The following RELN variants were observed in gnomAD, a reference collection of about 807,000 sequenced individuals.
RELN encodes reelin.
Under a neutral mutation model 427.6 loss-of-function variants are expected in RELN, and 108 were observed. The ratio of observed to expected loss-of-function variants is 0.25; its 90% CI spans 0.22 to 0.30. RELN has a LOEUF of 0.30. RELN is among the 10% of genes least tolerant of loss of function. The pLI, the probability that RELN is intolerant of heterozygous loss-of-function variation, is 1.00. For missense variants in RELN, 3,715 were observed against 4,302.8 expected (o/e 0.86, Z 3.82); for synonymous variants, 1,524 against 1,513.4 (o/e 1.01, Z -0.16).
chr7:103,836,458 C>A (rs1793411373), intron 2 of RELN, among the ~76,000 whole-genome samples: 1 of 152,178 alleles, frequency 6.6e-6, no homozygotes, highest in African/African-American at 2.4e-5. Flanking sequence ...TGTCCATCAT[C>A]ATAGAAAGCT....
chr7:103,687,736 A>T (rs554830727), intron 10 of RELN, among the ~76,000 whole-genome samples: 1 of 152,288 alleles, frequency 6.6e-6, no homozygotes, highest in East Asian at 1.9e-4. Flanking sequence ...TCAATTAGTG[A>T]TTGAATGTGT....
At chr7:103,581,995 G>A (rs1831162334) in intron 28 of RELN, among the ~76,000 whole-genome samples, 1 of 152,194 alleles carries the variant, frequency 6.6e-6, no homozygotes, top group Non-Finnish European at 1.5e-5. Context: ...GGAGAAGTGT[G>A]TTGCATAGCA....
At chr7:103,609,713 T>C (rs1051805349) in intron 22 of RELN, among the ~76,000 whole-genome samples, 2 of 152,242 alleles carry the variant, frequency 1.3e-5, no homozygotes, top group Admixed American at 1.3e-4. Flanking sequence ...GGTTGGTATC[T>C]AACCAATTGT....
At chr7:103,473,099 T>C in intron 64 of RELN, 191 bp from the exon 65 acceptor site, 1 of 698,942 alleles carries the variant, frequency 1.4e-6, no homozygotes, top group South Asian at 1.5e-5. Context: ...CTATACTCAC[T>C]GCCTTTGGCC....
rs964563894 is a variant in RELN, at chr7:103,876,579, C to G, written c.337+40496G>C. On this transcript the variant is annotated intron_variant, in intron 2 of 64. Coordinates refer to ENST00000428762, the MANE Select transcript of RELN (RefSeq NM_005045.4). Reference sequence around the variant, plus strand: ...TTAGTAATACTTTATATTATAATTACACTAAGCATTAATAGGGTAAAGCCT... The same window carrying G: ...TTAGTAATACTTTATATTATAATTAGACTAAGCATTAATAGGGTAAAGCCT... 2.0e-5 allele frequency among the ~76,000 whole-genome samples: 3 copies of G among 152,200 alleles called. No homozygotes were observed. In the South Asian group the frequency reaches 6.2e-4, roughly 32 times the overall value.
intron 20 of RELN, among the ~76,000 whole-genome samples, chr7:103,622,823 T>C (rs1465859324): frequency 6.6e-6 from 1 of 152,214 alleles, no homozygotes; most frequent in Non-Finnish European, 1.5e-5. Context: ...AATATTATTA[T>C]GAATTTGAAT....
intron 10 of RELN, among the ~76,000 whole-genome samples, chr7:103,687,509 C>T (rs1833788104): frequency 6.6e-6 from 1 of 152,050 alleles, no homozygotes; most frequent in Non-Finnish European, 1.5e-5. Flanking sequence ...AGGGAACATG[C>T]CTAAAGATTG....
At chr7:103,642,952 T>C (rs1342181133) in intron 16 of RELN, among the ~76,000 whole-genome samples, 2 of 152,102 alleles carry the variant, frequency 1.3e-5, no homozygotes, top group Non-Finnish European at 2.9e-5. Flanking sequence ...CTTTAGATGT[T>C]TTTGCAAATT....
chr7:103,475,279 A>C (rs1055044167), intron 64 of RELN, among the ~76,000 whole-genome samples: 1 of 151,180 alleles, frequency 6.6e-6, no homozygotes, highest in African/African-American at 2.4e-5. Context: ...GTTTGTGTTC[A>C]TATCTTGGCT....
At chr7:103,583,000 T>A (rs1342288602) in intron 28 of RELN, among the ~76,000 whole-genome samples, 1 of 152,218 alleles carries the variant, frequency 6.6e-6, no homozygotes, top group Non-Finnish European at 1.5e-5. Flanking sequence ...GCCAGAAAGA[T>A]GGCAAAGTGT....
intron 3 of RELN, among the ~76,000 whole-genome samples, chr7:103,783,437 T>C (rs952111759): frequency 6.6e-6 from 1 of 152,156 alleles, no homozygotes; most frequent in Non-Finnish European, 1.5e-5. Context: ...CATTGCAAAA[T>C]AAGCAAAGGA....
At chr7:103,847,012 G>C (rs889154821) in intron 2 of RELN, among the ~76,000 whole-genome samples, 1 of 152,138 alleles carries the variant, frequency 6.6e-6, no homozygotes, top group Admixed American at 6.5e-5. Flanking sequence ...ACAGTGTGGC[G>C]ACTCCTCAAG....
At chr7:103,773,730 A>C (rs1283360133) in intron 4 of RELN, among the ~76,000 whole-genome samples, 6 of 151,734 alleles carry the variant, frequency 4.0e-5, no homozygotes, top group Non-Finnish European at 8.8e-5. Flanking sequence ...TCAGCCTCCC[A>C]AAGTGCTGGG....
At chr7:103,690,106 TCTA>T (rs1562958062) in intron 10 of RELN, among the ~76,000 whole-genome samples, 1 of 152,136 alleles carries the variant, frequency 6.6e-6, no homozygotes, top group Non-Finnish European at 1.5e-5. Flanking sequence ...TATCAATACT[TCTA>T]CTATCATTAT....
intron 21 of RELN, 88 bp from the exon 22 acceptor site, chr7:103,610,895 C>T: frequency 1.3e-6 from 1 of 766,568 alleles, no homozygotes; most frequent in Non-Finnish European, 2.4e-6. Flanking sequence ...TGAAAAAGAC[C>T]TCAGAGAAAT....
chr7:103,500,400 T>C (rs1319774053), intron 53 of RELN, among the ~76,000 whole-genome samples: 1 of 151,938 alleles, frequency 6.6e-6, no homozygotes, highest in African/African-American at 2.4e-5. Context: ...ATAACAATAA[T>C]ATCTTCCTTC....
intron 2 of RELN, among the ~76,000 whole-genome samples, chr7:103,906,906 T>C (rs564912896): frequency 1.3e-5 from 2 of 152,248 alleles, no homozygotes; most frequent in African/African-American, 2.4e-5. Flanking sequence ...CACGGATGAA[T>C]ATCTAAGGAA....
chr7:103,645,983 C>T (rs557848539), intron 16 of RELN, among the ~76,000 whole-genome samples: 1 of 151,860 alleles, frequency 6.6e-6, no homozygotes, highest in Non-Finnish European at 1.5e-5. Context: ...AAGGGAAACT[C>T]TTAAATTACA....
At chr7:103,876,146 T>C (rs1438718559) in intron 2 of RELN, among the ~76,000 whole-genome samples, 1 of 152,188 alleles carries the variant, frequency 6.6e-6, no homozygotes, top group Admixed American at 6.5e-5. Flanking sequence ...AATTGGTCAT[T>C]ACTGATACTT....
Sources: allele counts gnomAD v4.1 joint callset (sites outside exome capture counted in the v4.1 genomes callset), GRCh38; gene constraint gnomAD v4.1.1; transcripts MANE v1.5; gene names NCBI Gene and HGNC (gene_info 2026-07-23, HGNC 2026-07-21).